Variants in SPATA6 observed in about 807,000 individuals in gnomAD.
SPATA6 encodes spermatogenesis associated 6.
A neutral mutation model predicts 65.3 loss-of-function variants in SPATA6; 56 were observed. The observed-to-expected ratio is 0.86, with a 90% confidence interval of 0.69 to 1.07. The LOEUF is 1.07. SPATA6 is among the 50% of genes least tolerant of loss of function. The pLI, the probability that SPATA6 is intolerant of heterozygous loss-of-function variation, is 0.00. For synonymous variants in SPATA6, 199 were observed against 213.2 expected, an observed-to-expected ratio of 0.93 and a Z score of 0.58; for missense variants, 590 against 594.8, an observed-to-expected ratio of 0.99 and a Z score of 0.08.
At chr1:48,450,803 C>T (rs1260238266) in intron 3 of SPATA6, among the ~76,000 whole-genome samples, 5 of 152,194 alleles carry the variant, frequency 3.3e-5, no homozygotes, top group African/African-American at 1.2e-4. Context: ...TTGCTGAAGT[C>T]GCAATGGGGC....
chr1:48,311,982 G>A (rs1312124304), intron 11 of SPATA6, among the ~76,000 whole-genome samples: 1 of 152,196 alleles, frequency 6.6e-6, no homozygotes, highest in East Asian at 1.9e-4. Flanking sequence ...TACCACAACA[G>A]TCTGAGATAA....
At chr1:48,303,106 C>A (rs1331917190) in intron 12 of SPATA6, among the ~76,000 whole-genome samples, 1 of 151,952 alleles carries the variant, frequency 6.6e-6, no homozygotes, top group Non-Finnish European at 1.5e-5. Context: ...TCTAACTGTT[C>A]TTACTGATAT....
intron 11 of SPATA6, among the ~76,000 whole-genome samples, chr1:48,313,350 C>G (rs1424157217): frequency 6.6e-6 from 1 of 152,170 alleles, no homozygotes; most frequent in African/African-American, 2.4e-5. Flanking sequence ...GATCTCTTGG[C>G]AGAAACTCTA....
intron 11 of SPATA6, among the ~76,000 whole-genome samples, chr1:48,329,236 G>C (rs1056280825): frequency 1.8e-4 from 27 of 152,270 alleles, no homozygotes; most frequent in African/African-American, 5.8e-4. Flanking sequence ...ATTTTGAAGT[G>C]AATAATACAA....
intron 11 of SPATA6, among the ~76,000 whole-genome samples, chr1:48,337,475 T>A (rs570386062): frequency 6.6e-6 from 1 of 151,936 alleles, no homozygotes; most frequent in South Asian, 2.1e-4. Context: ...CAAGAAACTG[T>A]CTATCACCAC....
At chr1:48,466,250 T>C (rs1657799211) in intron 1 of SPATA6, among the ~76,000 whole-genome samples, 1 of 152,118 alleles carries the variant, frequency 6.6e-6, no homozygotes, top group Non-Finnish European at 1.5e-5. Context: ...ACTGTTAATA[T>C]AAACATATAC....
chr1:48,341,387 G>C (rs1322277200), intron 11 of SPATA6, among the ~76,000 whole-genome samples: 1 of 149,298 alleles, frequency 6.7e-6, no homozygotes, highest in Non-Finnish European at 1.5e-5. Flanking sequence ...ATCTTATGCT[G>C]TCCTGCTCCG....
At position 48,403,897 on chromosome 1, in the gene SPATA6, G is replaced by A. The variant is rs756270682; in HGVS notation, c.406-15C>T. 7.0e-6 allele frequency: 11 copies of A among 1,582,718 alleles called. No individual in the cohort carries two copies. The African/African-American group carries it at 1.4e-4, about 19-fold the overall frequency. ...GGAGCATTTCCCTGAGAAGAAAAAA[G>A]AGGGTATTATTACACATTTCCATTT... On this transcript the variant is annotated splice_polypyrimidine_tract_variant and intron_variant, in intron 5 of 12. Coordinates refer to ENST00000371847, the MANE Select transcript of SPATA6 (RefSeq NM_019073.4).
chr1:48,447,710 A>G (rs1164767499), intron 3 of SPATA6, among the ~76,000 whole-genome samples: 1 of 152,142 alleles, frequency 6.6e-6, no homozygotes, highest in Non-Finnish European at 1.5e-5. Flanking sequence ...ATGTTCTCTC[A>G]CCACAACAGA....
At chr1:48,299,658 G>A (rs1252063124) in intron 12 of SPATA6, among the ~76,000 whole-genome samples, 2 of 150,688 alleles carry the variant, frequency 1.3e-5, no homozygotes, top group Non-Finnish European at 3.0e-5. Context: ...CTTAACTTTA[G>A]TTTTACAGGA....
chr1:48,354,483 G>A (rs1221436215), intron 11 of SPATA6, among the ~76,000 whole-genome samples: 4 of 151,902 alleles, frequency 2.6e-5, no homozygotes, highest in South Asian at 2.1e-4. Flanking sequence ...AACCAAATGC[G>A]CACCAATGGA....
intron 5 of SPATA6, among the ~76,000 whole-genome samples, chr1:48,406,158 T>C (rs1403410495): frequency 1.3e-5 from 2 of 151,678 alleles, no homozygotes; most frequent in African/African-American, 4.8e-5. Context: ...GCGTGGGAGG[T>C]CAAGGCTGCA....
At chr1:48,270,671 T>G in the SPATA6 span, among the ~76,000 whole-genome samples, 4 of 151,932 alleles carry the variant, frequency 2.6e-5, no homozygotes, top group Non-Finnish European at 4.4e-5. Context: ...TAAATATTAG[T>G]TTAATTCCCT....
chr1:48,402,729 C>G (rs1651286812), intron 6 of SPATA6: 1 of 152,208 alleles, frequency 6.6e-6, no homozygotes, highest in Admixed American at 6.5e-5. Flanking sequence ...TAAGCCCAGT[C>G]CTGCCCTTTG....
chr1:48,443,733 T>G (rs1437885802), intron 3 of SPATA6, among the ~76,000 whole-genome samples: 1 of 152,242 alleles, frequency 6.6e-6, no homozygotes, highest in Non-Finnish European at 1.5e-5. Context: ...CAAACTCTTA[T>G]AACAACCTCT....
intron 8 of SPATA6, among the ~76,000 whole-genome samples, chr1:48,389,589 G>A (rs1033351826): frequency 6.6e-6 from 1 of 151,872 alleles, no homozygotes; most frequent in South Asian, 2.1e-4. Flanking sequence ...TTCCTAAATA[G>A]AAACCTTACA....
At chr1:48,444,454 T>C (rs978336768) in intron 3 of SPATA6, among the ~76,000 whole-genome samples, 3 of 151,948 alleles carry the variant, frequency 2.0e-5, no homozygotes, top group Non-Finnish European at 4.4e-5. Flanking sequence ...TAAAGGACTG[T>C]AAATGCACCA....
rs773263945 is a variant in SPATA6 at position 48,305,847 on chromosome 1, A to G, written c.1226T>C (p.Leu409Pro). The G allele has an allele frequency of 6.2e-7, 1 of 1,612,270 alleles. No individual in the cohort carries two copies. The highest frequency in any genetic ancestry group is 8.5e-7 in the Non-Finnish European group (1 of 1,178,884). ...DERDLEKDDE[L>P]ELKRSLLCRD... Reference sequence around the variant, plus strand: ...ACATAAAAGACTTCTTTTCAGTTCCAGTTCATCATCTTTCTCTAGGTCTCT... The same window carrying G: ...ACATAAAAGACTTCTTTTCAGTTCCGGTTCATCATCTTTCTCTAGGTCTCT... The change falls in exon 12 of 13, where the codon CTG becomes CCG. Residue 409 changes from leucine (L) to proline (P), a missense_variant. Coordinates refer to ENST00000371847, the MANE Select transcript of SPATA6 (RefSeq NM_019073.4).
Position 48,453,051 on chromosome 1 carries a change from T to C in SPATA6, c.132A>G (p.Thr44=), listed in dbSNP as rs748352557. Residue 44 remains threonine (T), a synonymous_variant, in exon 2 of 13, where the codon ACA becomes ACG. Coordinates refer to ENST00000371847, the MANE Select transcript of SPATA6 (RefSeq NM_019073.4). ...GGGGAAAAGTGGCTGGGACACATTG[T>C]GTCTTTTTGTATTGGCCAAACACAC... ...SICVFGQYKK[T]QCVPATFPLV... is the part of the protein sequence containing the mutation. 25 of 1,613,998 alleles carry C rather than the reference T, an allele frequency of 1.5e-5. No individual in the cohort carries two copies. Among genetic ancestry groups the C allele is most frequent in the Admixed American group, 1.5e-4 (9 of 60,000 alleles).
Sources: gnomAD v4.1 joint callset for allele counts (sites outside exome capture counted in the v4.1 genomes callset) on GRCh38, gnomAD v4.1.1 for gene constraint, MANE v1.5 for transcripts, NCBI Gene and HGNC (gene_info 2026-07-23, HGNC 2026-07-21) for gene names.